Variants in MAPKAP1 observed in about 807,000 individuals in gnomAD.
MAPKAP1 encodes MAPK associated protein 1, also known as target of rapamycin complex 2 subunit MAPKAP1.
A neutral mutation model predicts 65.7 loss-of-function variants in MAPKAP1; 20 were observed. The observed-to-expected ratio is 0.30, with a 90% CI of 0.21 to 0.44. The LOEUF is 0.44. MAPKAP1 is among the 20% of genes least tolerant of loss of function. The pLI, the probability that MAPKAP1 is intolerant of heterozygous loss-of-function variation, is 1.00. For synonymous variants in MAPKAP1, 222 were observed against 244.3 expected (o/e 0.91, Z 0.85); for missense variants, 423 against 648.0 (o/e 0.65, Z 3.77).
At chr9:125,544,799 A>C (rs1830373240) in intron 6 of MAPKAP1, among the ~76,000 whole-genome samples, 1 of 152,190 alleles carries the variant, frequency 6.6e-6, no homozygotes, top group Non-Finnish European at 1.5e-5. Flanking sequence ...GCCAAGCCCC[A>C]AGCTAAGTTC....
intron 8 of MAPKAP1, among the ~76,000 whole-genome samples, chr9:125,499,585 A>G (rs779271710): frequency 7.2e-5 from 11 of 152,186 alleles, no homozygotes; most frequent in Non-Finnish European, 1.6e-4. Flanking sequence ...GAGAGATCAC[A>G]TAACTGAATT....
intron 4 of MAPKAP1, among the ~76,000 whole-genome samples, chr9:125,603,961 G>A (rs1222085964): frequency 7.3e-6 from 1 of 137,860 alleles, no homozygotes; most frequent in East Asian, 2.0e-4. Flanking sequence ...AACAAGGTAT[G>A]ATTACAACAA....
In MAPKAP1 at chr9:125,594,894, C is replaced by T. The variant is rs1402239433; in HGVS notation, c.499-9167G>A. Among the ~76,000 whole-genome samples, 5 of 152,128 alleles carry T rather than the reference C, an allele frequency of 3.3e-5. No homozygotes were observed. The South Asian group carries it at 8.3e-4, about 25-fold the overall frequency. ...CTCTATCCCAGGTAGAGCAGCTATA[C>T]CTTTTCTACTTCCCAGCCCCTGTTC... On this transcript the variant is annotated intron_variant, in intron 4 of 11. Coordinates refer to ENST00000265960, the MANE Select transcript of MAPKAP1 (RefSeq NM_001006617.3).
At chr9:125,574,639 C>T (rs1476963661) in intron 5 of MAPKAP1, among the ~76,000 whole-genome samples, 5 of 152,132 alleles carry the variant, frequency 3.3e-5, no homozygotes, top group Non-Finnish European at 7.4e-5. Context: ...GTCCTAAGTC[C>T]ACAGGGCATC....
intron 3 of MAPKAP1, among the ~76,000 whole-genome samples, chr9:125,659,865 C>A (rs1162405200): frequency 6.6e-6 from 1 of 152,156 alleles, no homozygotes; most frequent in African/African-American, 2.4e-5. Flanking sequence ...TAGGCATATT[C>A]AGGCCACACT....
chr9:125,574,111 A>G (rs1831322441), intron 5 of MAPKAP1, among the ~76,000 whole-genome samples: 1 of 152,168 alleles, frequency 6.6e-6, no homozygotes, highest in Admixed American at 6.5e-5. Context: ...CCAGTTACAA[A>G]GTGCTTTTAC....
At chr9:125,692,429 GA>G (rs1835197734) in intron 1 of MAPKAP1, among the ~76,000 whole-genome samples, 1 of 152,228 alleles carries the variant, frequency 6.6e-6, no homozygotes, top group African/African-American at 2.4e-5. Flanking sequence ...CTTTGTATAT[GA>G]AAGGTTTGGA....
intron 9 of MAPKAP1, among the ~76,000 whole-genome samples, chr9:125,470,407 C>CCTG (rs1179702700): frequency 7.2e-5 from 11 of 152,182 alleles, no homozygotes; most frequent in African/African-American, 2.7e-4. Context: ...ATCACCAGCT[C>CCTG]CTGCTCCAAG....
chr9:125,443,573 A>C (rs771861688), intron 11 of MAPKAP1, among the ~76,000 whole-genome samples: 95 of 152,134 alleles, frequency 6.2e-4, no homozygotes, highest in Non-Finnish European at 1.6e-4. Context: ...GTATGATCTC[A>C]GGTCCTATCC....
At chr9:125,514,276 G>A (rs557227125) in intron 7 of MAPKAP1, among the ~76,000 whole-genome samples, 14 of 152,200 alleles carry the variant, frequency 9.2e-5, no homozygotes, top group Admixed American at 7.2e-4. Flanking sequence ...CCCACACAGC[G>A]CCTTGTTCCT....
chr9:125,628,447 A>T (rs1472676998), intron 4 of MAPKAP1, among the ~76,000 whole-genome samples: 1 of 152,198 alleles, frequency 6.6e-6, no homozygotes, highest in Non-Finnish European at 1.5e-5. Flanking sequence ...TAAGTCACTT[A>T]AGACAAGAAA....
intron 6 of MAPKAP1, among the ~76,000 whole-genome samples, chr9:125,553,631 A>G (rs992349957): frequency 3.3e-5 from 5 of 152,172 alleles, no homozygotes; most frequent in Non-Finnish European, 5.9e-5. Flanking sequence ...AACCTACCCC[A>G]TGCCCATTTG....
At chr9:125,483,986 C>T (rs1274030126) in intron 9 of MAPKAP1, among the ~76,000 whole-genome samples, 4 of 152,118 alleles carry the variant, frequency 2.6e-5, no homozygotes, top group Admixed American at 6.5e-5. Context: ...ACAAATTAAT[C>T]CCAAATATGA....
At position 125,546,337 on chromosome 9, in the gene MAPKAP1, T is replaced by C. The variant is rs1421836646; in HGVS notation, c.849-3169A>G. Among the ~76,000 whole-genome samples the C allele has an allele frequency of 3.3e-5, 5 of 152,164 alleles. No homozygotes were observed. In the East Asian group the frequency reaches 7.7e-4, roughly 23 times the overall value. On this transcript the variant is annotated intron_variant, in intron 6 of 11. Transcript: ENST00000265960. ...CAGGTCAGTCCCACGCTCCGCTCCT[T>C]TCCCTCCAGACGAATGCCAACTTTG...
chr9:125,480,204 A>G (rs938501856), intron 9 of MAPKAP1, among the ~76,000 whole-genome samples: 21 of 152,152 alleles, frequency 1.4e-4, no homozygotes, highest in Admixed American at 1.3e-3. Flanking sequence ...GGGATGGGAA[A>G]ATGGGTTTAT....
intron 4 of MAPKAP1, among the ~76,000 whole-genome samples, chr9:125,639,314 C>T (rs2131706037): frequency 6.6e-6 from 1 of 152,196 alleles, no homozygotes; most frequent in Non-Finnish European, 1.5e-5. Flanking sequence ...TTGCAGACTC[C>T]CCACTTCTTA....
intron 5 of MAPKAP1, among the ~76,000 whole-genome samples, chr9:125,570,417 G>A (rs1249133726): frequency 2.0e-5 from 3 of 152,188 alleles, no homozygotes; most frequent in African/African-American, 4.8e-5. Flanking sequence ...GCTAGGTAAG[G>A]CCTGGGGACA....
At chr9:125,663,834 T>C (rs1029941526) in intron 3 of MAPKAP1, among the ~76,000 whole-genome samples, 2 of 152,140 alleles carry the variant, frequency 1.3e-5, no homozygotes, top group African/African-American at 4.8e-5. Flanking sequence ...TTTTGTTATT[T>C]GCAACTAAAA....
intron 10 of MAPKAP1, among the ~76,000 whole-genome samples, chr9:125,449,667 A>G (rs1483736998): frequency 6.6e-6 from 1 of 152,208 alleles, no homozygotes; most frequent in Admixed American, 6.5e-5. Context: ...CACAAATGTC[A>G]GAAGTGGAGA....
Sources: gnomAD v4.1 joint callset for allele counts (sites outside exome capture counted in the v4.1 genomes callset) on GRCh38, gnomAD v4.1.1 for gene constraint, MANE v1.5 for transcripts, NCBI Gene and HGNC (gene_info 2026-07-23, HGNC 2026-07-21) for gene names.